Variants in MAP2K4 observed in about 807,000 individuals in gnomAD.
MAP2K4 encodes the protein mitogen-activated protein kinase kinase 4.
A neutral mutation model predicts 48.5 loss-of-function variants in MAP2K4; 4 were observed. That is an observed-to-expected ratio of 0.08 (90% CI 0.04 to 0.19). MAP2K4 has a LOEUF of 0.19. MAP2K4 is among the 10% of genes least tolerant of loss of function. The pLI, the probability that MAP2K4 is intolerant of heterozygous loss-of-function variation, is 1.00. For synonymous variants in MAP2K4, 166 were observed against 173.1 expected (o/e 0.96, Z 0.32); for missense variants, 258 against 493.3 (o/e 0.52, Z 4.52).
chr17:12,115,469 C>T (rs1972459147), intron 7 of MAP2K4: 3 of 556,280 alleles, frequency 5.4e-6, no homozygotes, highest in Non-Finnish European at 1.0e-5. Context: ...ACAACAGCAA[C>T]TATTTGTGTG....
chr17:12,100,850 C>T (rs188323271), intron 4 of MAP2K4, among the ~76,000 whole-genome samples: 14 of 152,102 alleles, frequency 9.2e-5, no homozygotes, highest in African/African-American at 1.9e-4. Context: ...ATTTACCAAC[C>T]GTATATCTTT....
intron 4 of MAP2K4, among the ~76,000 whole-genome samples, chr17:12,101,597 A>G (rs1971938550): frequency 1.3e-5 from 2 of 152,112 alleles, no homozygotes; most frequent in African/African-American, 2.4e-5. Flanking sequence ...GGATTTTTCT[A>G]ATTTGTAGGT....
intron 1 of MAP2K4, among the ~76,000 whole-genome samples, chr17:12,054,379 T>G (rs1970227781): frequency 1.3e-5 from 2 of 152,112 alleles, no homozygotes; most frequent in Non-Finnish European, 2.9e-5. Context: ...AACAGCTTCA[T>G]GGAAATAATT....
intron 1 of MAP2K4, among the ~76,000 whole-genome samples, chr17:12,023,618 T>C (rs1969164352): frequency 6.6e-6 from 1 of 152,222 alleles, no homozygotes; most frequent in Non-Finnish European, 1.5e-5. Context: ...TCCTCTTATG[T>C]GGTAAGCACT....
In MAP2K4 at chr17:12,020,916, C is replaced by T. The variant is rs1969008065; in HGVS notation, c.30C>T (p.Gly10=). The T allele has an allele frequency of 8.2e-7, 1 of 1,213,282 alleles. No homozygotes were observed. The highest frequency in any genetic ancestry group is 1.0e-6 in the Non-Finnish European group (1 of 976,478). 75.2% of individuals were successfully genotyped at this position (1,213,282 alleles called of 1,614,324 possible). MAAPSPSGG[G]GSGGGSGSGT... is the part of the protein sequence containing the mutation. ...CGGCTCCGAGCCCGAGCGGCGGCGG[C>T]GGCTCCGGGGGCGGCAGCGGCAGCG... Residue 10 remains glycine, a synonymous_variant, in exon 1 of 11, where the codon GGC becomes GGT. Transcript: ENST00000353533.
In MAP2K4 at chr17:12,124,035, A is replaced by G. The variant is rs537529300; in HGVS notation, c.814-1259A>G. On this transcript the variant is annotated intron_variant, in intron 7 of 10. Coordinates refer to ENST00000353533, the MANE Select transcript of MAP2K4 (RefSeq NM_003010.4). The stretch of plus-strand genomic sequence containing the variant: ...TTTTTCTCTTGGTTGAATATCTGGG[A>G]TTTTAATGTGTACCTTATCAGGCAA... Among the ~76,000 whole-genome samples, 4 of 151,886 alleles carry G rather than the reference A, an allele frequency of 2.6e-5. No individual in the cohort carries two copies. The South Asian group carries it at 8.4e-4, about 32-fold the overall frequency.
intron 2 of MAP2K4, among the ~76,000 whole-genome samples, chr17:12,070,784 C>G (rs1362802265): frequency 6.6e-6 from 1 of 152,168 alleles, no homozygotes; most frequent in African/African-American, 2.4e-5. Flanking sequence ...CTTGCAAAGC[C>G]TAAAATATTT....
intron 2 of MAP2K4, among the ~76,000 whole-genome samples, chr17:12,056,009 T>C (rs1029714428): frequency 7.9e-5 from 12 of 152,204 alleles, no homozygotes; most frequent in Admixed American, 3.9e-4. Context: ...AAACATCAAG[T>C]AGGGGCTATC....
intron 4 of MAP2K4, among the ~76,000 whole-genome samples, chr17:12,106,115 AT>A (rs1007516152): frequency 2.0e-5 from 3 of 150,770 alleles, no homozygotes; most frequent in Admixed American, 6.6e-5. Flanking sequence ...TCCTAATGTC[AT>A]TTTTTTTTCC....
intron 2 of MAP2K4, among the ~76,000 whole-genome samples, chr17:12,068,752 T>TTATA (rs1382454582): frequency 6.7e-6 from 1 of 148,678 alleles, no homozygotes; most frequent in African/African-American, 2.5e-5. Context: ...CATATATATA[T>TTATA]TATATATATA....
At chr17:12,110,488 G>A (rs1225706604) in intron 6 of MAP2K4, 62 bp downstream of exon 6, 26 of 1,186,672 alleles carry the variant, frequency 2.2e-5, no homozygotes, top group Non-Finnish European at 2.7e-5. Context: ...TTGGTGAAAC[G>A]GTTATTGAAA....
intron 1 of MAP2K4, among the ~76,000 whole-genome samples, chr17:12,025,941 G>GTGAAGAGTTTCAAACCCCAGAAC (rs1211709889): frequency 2.0e-5 from 3 of 152,268 alleles, no homozygotes; most frequent in African/African-American, 7.2e-5. Flanking sequence ...TGTGCAGACA[G>GTGAAGAGTTTCAAACCCCAGAAC]TGAAGAGTTT....
chr17:12,040,437 A>C (rs1375519344), intron 1 of MAP2K4, among the ~76,000 whole-genome samples: 1 of 152,220 alleles, frequency 6.6e-6, no homozygotes, highest in African/African-American at 2.4e-5. Flanking sequence ...TGATAGAATA[A>C]AAACTGGATA....
intron 7 of MAP2K4, among the ~76,000 whole-genome samples, chr17:12,120,543 C>CA (rs1555551455): frequency 3.6e-5 from 5 of 139,332 alleles, no homozygotes; most frequent in East Asian, 4.7e-4. Context: ...TTCCCCCCCC[C>CA]ATAAAAAAGA....
At chr17:12,111,398 T>C (rs2151575988) in intron 6 of MAP2K4, among the ~76,000 whole-genome samples, 1 of 152,284 alleles carries the variant, frequency 6.6e-6, no homozygotes, top group African/African-American at 2.4e-5. Context: ...TATCTTTTTT[T>C]CTTTTGGCCT....
chr17:12,060,449 G>A (rs1176362018), intron 2 of MAP2K4, among the ~76,000 whole-genome samples: 1 of 152,250 alleles, frequency 6.6e-6, no homozygotes, highest in Non-Finnish European at 1.5e-5. Context: ...GCTGACTGAA[G>A]TGTTTGTGAG....
Position 12,082,954 on chromosome 17 carries a change from C to T in MAP2K4, c.393+1424C>T, listed in dbSNP as rs576441116. ...TGGAAAGAGTCATTTTATTTAGACTCCTGGATGAATGTTGTGTTGTCCCTT... is the reference window on the plus strand; with the variant it reads ...TGGAAAGAGTCATTTTATTTAGACTTCTGGATGAATGTTGTGTTGTCCCTT... On this transcript the variant is annotated intron_variant, in intron 3 of 10. Coordinates refer to ENST00000353533, the MANE Select transcript of MAP2K4 (RefSeq NM_003010.4). Among the ~76,000 whole-genome samples, 8 of 152,276 alleles carry T rather than the reference C, an allele frequency of 5.3e-5. No individual in the cohort carries two copies. The South Asian group carries it at 1.7e-3, about 32-fold the overall frequency.
At chr17:12,140,658 T>C (rs1177632098) in intron 10 of MAP2K4, among the ~76,000 whole-genome samples, 3 of 152,106 alleles carry the variant, frequency 2.0e-5, no homozygotes, top group African/African-American at 4.8e-5. Flanking sequence ...GCCTTTTTGT[T>C]AAAAGGTCAA....
intron 4 of MAP2K4, among the ~76,000 whole-genome samples, chr17:12,101,464 G>C (rs1971932738): frequency 6.6e-6 from 1 of 151,886 alleles, no homozygotes; most frequent in South Asian, 2.1e-4. Flanking sequence ...TCTTTTAAAA[G>C]TTGTTTCGGC....
Sources: allele counts gnomAD v4.1 joint callset (sites outside exome capture counted in the v4.1 genomes callset), GRCh38; gene constraint gnomAD v4.1.1; transcripts MANE v1.5; gene names NCBI Gene and HGNC (gene_info 2026-07-23, HGNC 2026-07-21).